TNFAIP8: variants seen among roughly 807,000 people sequenced by gnomAD.
TNFAIP8 encodes the protein TNF alpha induced protein 8, also known as tumor necrosis factor alpha-induced protein 8.
In TNFAIP8, 7 loss-of-function variants were observed where a neutral mutation model predicts 13.3. That is an observed-to-expected ratio of 0.52 (90% CI 0.30 to 0.99). TNFAIP8 has a LOEUF of 0.99. TNFAIP8 is among the 50% of genes least tolerant of loss of function. The pLI is 0.07. For missense variants in TNFAIP8, 258 were observed against 236.9 expected (o/e 1.09, Z -0.58); for synonymous variants, 94 against 87.6 (o/e 1.07, Z -0.41).
chr5:119,349,532 T>TG (rs1384775061), intron 1 of TNFAIP8, among the ~76,000 whole-genome samples: 12 of 152,226 alleles, frequency 7.9e-5, no homozygotes, highest in Non-Finnish European at 1.8e-4. Flanking sequence ...GCTCCGCTGA[T>TG]GCGGGTGTCA....
chr5:119,358,902 G>T (rs1399403689), intron 1 of TNFAIP8, among the ~76,000 whole-genome samples: 1 of 152,154 alleles, frequency 6.6e-6, no homozygotes, highest in South Asian at 2.1e-4. Flanking sequence ...ACTTGGAAAA[G>T]AGTGAGGATT....
chr5:119,287,126 C>T (rs566684562), intron 1 of TNFAIP8, among the ~76,000 whole-genome samples: 5 of 152,148 alleles, frequency 3.3e-5, no homozygotes, highest in Non-Finnish European at 5.9e-5. Flanking sequence ...TCCAGGAAAC[C>T]TTTTCTGGTC....
At chr5:119,348,966 C>T (rs1751017664) in intron 1 of TNFAIP8, among the ~76,000 whole-genome samples, 1 of 150,972 alleles carries the variant, frequency 6.6e-6, no homozygotes, top group Admixed American at 6.6e-5. Flanking sequence ...ATTTTTGATA[C>T]CTTTTTCCTT....
At chr5:119,337,800 T>C (rs148694199) in intron 1 of TNFAIP8, among the ~76,000 whole-genome samples, 4 of 152,262 alleles carry the variant, frequency 2.6e-5, no homozygotes, top group Non-Finnish European at 2.9e-5. Context: ...TCAGTTAAAG[T>C]TGCCACCAAA....
chr5:119,276,402 G>C (rs766949165), intron 1 of TNFAIP8, among the ~76,000 whole-genome samples: 32 of 152,248 alleles, frequency 2.1e-4, no homozygotes, highest in South Asian at 6.2e-4. Flanking sequence ...ACAGGCTTGA[G>C]CCACCGCACC....
intron 1 of TNFAIP8, among the ~76,000 whole-genome samples, chr5:119,383,628 C>A (rs898629244): frequency 1.3e-5 from 2 of 152,166 alleles, no homozygotes; most frequent in African/African-American, 4.8e-5. Flanking sequence ...TCCAAGACTT[C>A]TTTGCACTGC....
rs1004530 is a variant in TNFAIP8, at chr5:119,269,296, G to C, written c.1+389G>C. ...AACCGCACATACTGGCGAAAGCACTGCCCGGGTTATCAGGGTGCCCCAGAT... is the reference window on the plus strand; with the variant it reads ...AACCGCACATACTGGCGAAAGCACTCCCCGGGTTATCAGGGTGCCCCAGAT... On this transcript the variant is annotated intron_variant, in intron 1 of 1. Coordinates refer to the TNFAIP8 transcript ENST00000274456. Among the ~76,000 whole-genome samples, 675 of 152,274 alleles carry C rather than the reference G, an allele frequency of 4.4e-3. 9 individuals are homozygous for C. The highest frequency in any genetic ancestry group is 0.015 in the African/African-American group (643 of 41,544).
intron 1 of TNFAIP8, among the ~76,000 whole-genome samples, chr5:119,289,169 C>G (rs1321170879): frequency 1.3e-5 from 2 of 152,216 alleles, no homozygotes; most frequent in African/African-American, 4.8e-5. Context: ...TCACACCTTA[C>G]TATACTTATT....
chr5:119,269,319 G>C (rs1463113443), intron 1 of TNFAIP8, among the ~76,000 whole-genome samples: 1 of 152,174 alleles, frequency 6.6e-6, no homozygotes, highest in Non-Finnish European at 1.5e-5. Flanking sequence ...GGGTGCCCCA[G>C]ATTGCAGACT....
intron 1 of TNFAIP8, among the ~76,000 whole-genome samples, chr5:119,363,058 C>A (rs981773571): frequency 6.6e-6 from 1 of 151,938 alleles, no homozygotes; most frequent in African/African-American, 2.4e-5. Flanking sequence ...CTGAGAATAT[C>A]CACTTTTACA....
chr5:119,313,589 C>G (rs1166229956), intron 1 of TNFAIP8, among the ~76,000 whole-genome samples: 1 of 152,134 alleles, frequency 6.6e-6, no homozygotes, highest in Non-Finnish European at 1.5e-5. Context: ...TAGTACTTGC[C>G]AAAATATGAT....
chr5:119,389,250 C>T (rs1460717811), intron 1 of TNFAIP8, among the ~76,000 whole-genome samples: 1 of 151,118 alleles, frequency 6.6e-6, no homozygotes, highest in Non-Finnish European at 1.5e-5. Context: ...ATCAGTTTTG[C>T]ATATGGTAAA....
chr5:119,382,829 C>T (rs1023757927), intron 1 of TNFAIP8, among the ~76,000 whole-genome samples: 10 of 152,208 alleles, frequency 6.6e-5, no homozygotes, highest in African/African-American at 2.4e-4. Flanking sequence ...GTCTTGTACT[C>T]CCCTATTTGC....
intron 1 of TNFAIP8, among the ~76,000 whole-genome samples, chr5:119,314,182 C>G (rs1421356695): frequency 6.6e-6 from 1 of 151,620 alleles, no homozygotes; most frequent in African/African-American, 2.4e-5. Context: ...AACAAACAAA[C>G]AAACAAACAA....
Position 119,292,661 on chromosome 5 carries a change from TATATATATATATATATATATATATAC to T in TNFAIP8, c.1+23756_1+23781del, listed in dbSNP as rs1184889320. On this transcript the variant is annotated intron_variant, in intron 1 of 1. Transcript: ENST00000274456. ...TCAATGTAGCATATATATATATATA[TATATATATATATATATATATATATAC>T]ACACACACACAATGAAATACTATTT... Among the ~76,000 whole-genome samples, 58 of 43,168 alleles carry T rather than the reference TATATATATATATATATATATATATAC, an allele frequency of 1.3e-3. 1 individual carries two copies. Among genetic ancestry groups the T allele is most frequent in the African/African-American group, 3.2e-3 (58 of 18,128 alleles). 28.3% of individuals were successfully genotyped at this position (43,168 alleles called of 152,430 possible).
intron 1 of TNFAIP8, among the ~76,000 whole-genome samples, chr5:119,384,750 C>T (rs139195999): frequency 2.0e-5 from 3 of 152,276 alleles, no homozygotes; most frequent in East Asian, 1.9e-4. Context: ...ACTAACATCA[C>T]CAAACTTTCT....
At position 119,276,191 on chromosome 5, in the gene TNFAIP8, C is replaced by G. The variant is rs1748439484; in HGVS notation, c.1+7284C>G. On this transcript the variant is annotated intron_variant, in intron 1 of 1. Coordinates refer to the TNFAIP8 transcript ENST00000274456. Reference sequence around the variant, plus strand: ...GAAGTGCAGTGGTGCAAACTTGGCTCACTGCAACCTCTAACTCCCGGGTTC... The same window carrying G: ...GAAGTGCAGTGGTGCAAACTTGGCTGACTGCAACCTCTAACTCCCGGGTTC... Among the ~76,000 whole-genome samples, 3 of 151,430 alleles carry G rather than the reference C, an allele frequency of 2.0e-5. No homozygotes were observed. The South Asian group carries it at 6.2e-4, about 31-fold the overall frequency.
intron 1 of TNFAIP8, among the ~76,000 whole-genome samples, chr5:119,309,073 G>A (rs1199249431): frequency 1.3e-5 from 2 of 152,148 alleles, no homozygotes; most frequent in Non-Finnish European, 2.9e-5. Context: ...TACATTTTCA[G>A]TTGCTTTTTG....
chr5:119,288,778 T>C (rs1748893889), intron 1 of TNFAIP8, among the ~76,000 whole-genome samples: 1 of 152,244 alleles, frequency 6.6e-6, no homozygotes, highest in Non-Finnish European at 1.5e-5. Context: ...GTTTAACATA[T>C]GGAAAGAATT....
Sources: allele counts gnomAD v4.1 joint callset (sites outside exome capture counted in the v4.1 genomes callset), GRCh38; gene constraint gnomAD v4.1.1; transcripts MANE v1.5; gene names NCBI Gene and HGNC (gene_info 2026-07-23, HGNC 2026-07-21).